The following EFCAB13 variants were observed in gnomAD, a reference collection of about 807,000 sequenced individuals.
The protein encoded by EFCAB13 is EF-hand calcium binding domain 13, also known as EF-hand calcium-binding domain-containing protein 13.
A neutral mutation model predicts 110.2 loss-of-function variants in EFCAB13; 91 were observed. The ratio of observed to expected loss-of-function variants is 0.83; its 90% confidence interval spans 0.70 to 0.98. The LOEUF (loss-of-function observed/expected upper bound fraction) is 0.98, where lower values mean the gene tolerates loss of function less well. Ranked by LOEUF, EFCAB13 falls within the 50% of genes least tolerant of loss-of-function variation. The probability of loss-of-function intolerance (pLI) is 0.00; values close to 1 mark genes in which losing one functional copy is unlikely to be tolerated. For missense variants in EFCAB13, 968 were observed against 1,119.4 expected (o/e 0.86, Z 1.93); for synonymous variants, 323 against 369.9 (o/e 0.87, Z 1.45).
chr17:47,416,821 TA>T (rs879814962), intron 23 of EFCAB13, among the ~76,000 whole-genome samples: 2 of 152,340 alleles, frequency 1.3e-5, no homozygotes, highest in Admixed American at 1.3e-4. Flanking sequence ...ATGTGGGGGT[TA>T]GGGGCACCTT....
intron 24 of EFCAB13, among the ~76,000 whole-genome samples, chr17:47,433,179 T>C (rs1212818587): frequency 1.3e-5 from 2 of 152,190 alleles, no homozygotes; most frequent in African/African-American, 4.8e-5. Flanking sequence ...GTATTTTGTA[T>C]AAACCCTTAG....
chr17:47,330,926 A>G (rs2065316577), intron 4 of EFCAB13, among the ~76,000 whole-genome samples: 2 of 152,102 alleles, frequency 1.3e-5, no homozygotes, highest in African/African-American at 4.8e-5. Flanking sequence ...CATCTGCACC[A>G]ACATTTATTG....
chr17:47,412,978 A>T, intron 22 of EFCAB13, 62 bp downstream of exon 22: 3 of 1,545,238 alleles, frequency 1.9e-6, no homozygotes, highest in Non-Finnish European at 2.6e-6. Context: ...AAATAGTCTT[A>T]GAGTGTACCT....
chr17:47,365,282 A>G (rs1428573777), intron 10 of EFCAB13, among the ~76,000 whole-genome samples: 4 of 152,210 alleles, frequency 2.6e-5, no homozygotes, highest in Admixed American at 6.5e-5. Context: ...CTGATTCCTC[A>G]TGCCACATCT....
chr17:47,380,294 T>C (rs1034447275), intron 14 of EFCAB13, among the ~76,000 whole-genome samples: 5 of 152,066 alleles, frequency 3.3e-5, no homozygotes, highest in African/African-American at 1.2e-4. Flanking sequence ...TGTGTTCTCA[T>C]TGTTCAACTC....
chr17:47,401,837 G>T (rs1293543341), intron 17 of EFCAB13, among the ~76,000 whole-genome samples: 1 of 151,608 alleles, frequency 6.6e-6, no homozygotes, highest in East Asian at 1.9e-4. Flanking sequence ...GTAGAGATGG[G>T]GTTTCACCAT....
At chr17:47,357,319 C>G (rs1016700648) in intron 9 of EFCAB13, among the ~76,000 whole-genome samples, 1 of 152,242 alleles carries the variant, frequency 6.6e-6, no homozygotes, top group African/African-American at 2.4e-5. Flanking sequence ...TGTCTACTAA[C>G]TGACTACTTT....
intron 11 of EFCAB13, among the ~76,000 whole-genome samples, chr17:47,372,555 T>C (rs1567790882): frequency 6.6e-6 from 1 of 152,244 alleles, no homozygotes; most frequent in East Asian, 1.9e-4. Flanking sequence ...TTTACACATT[T>C]ATTTTTTGTG....
intron 3 of EFCAB13, 130 bp from the exon 4 acceptor site, chr17:47,328,137 CTG>C (rs1327937815): frequency 1.9e-6 from 1 of 528,328 alleles, no homozygotes; most frequent in African/African-American, 2.0e-5. Flanking sequence ...GCCCACATAT[CTG>C]TGTTGGTGAA....
At position 47,374,821 on chromosome 17, in the gene EFCAB13, C is replaced by T. The variant is rs1351086139; in HGVS notation, c.1227C>T (p.Ser409=). The T allele has an allele frequency of 6.2e-7, 1 of 1,613,948 alleles. No individual in the cohort carries two copies. The highest frequency in any genetic ancestry group is 1.1e-5 in the South Asian group (1 of 91,070). ...ATGACTCAAAGTCTAAACCACAAAGCTTGAAGAGTAGTACAAGCCTCAGTA... is the reference window on the plus strand; with the variant it reads ...ATGACTCAAAGTCTAAACCACAAAGTTTGAAGAGTAGTACAAGCCTCAGTA... ...EIHDSKSKPQ[S]LKSSTSLSKS... The change falls in exon 12 of 25, where the codon AGC becomes AGT. Residue 409 remains serine (S), a synonymous_variant. Coordinates refer to ENST00000331493, the MANE Select transcript of EFCAB13 (RefSeq NM_152347.5).
intron 9 of EFCAB13, among the ~76,000 whole-genome samples, chr17:47,352,103 C>T (rs1024355199): frequency 3.3e-5 from 5 of 151,358 alleles, no homozygotes; most frequent in Admixed American, 1.3e-4. Context: ...GGGGTTTCAC[C>T]GTGTTAGCCA....
At chr17:47,422,366 G>A (rs551166874) in intron 23 of EFCAB13, among the ~76,000 whole-genome samples, 6 of 152,228 alleles carry the variant, frequency 3.9e-5, no homozygotes, top group East Asian at 3.9e-4. Context: ...CTGTTCAACC[G>A]TGTACTGGAA....
At chr17:47,394,915 A>G (rs944247049) in intron 16 of EFCAB13, among the ~76,000 whole-genome samples, 38 of 152,196 alleles carry the variant, frequency 2.5e-4, no homozygotes, top group Admixed American at 2.4e-3. Context: ...TTTATATCTC[A>G]TTGTTAATAT....
At position 47,374,891 on chromosome 17, in the gene EFCAB13, A is replaced by T. The variant is rs74969489; in HGVS notation, c.1297A>T (p.Lys433Ter). The change falls in exon 12 of 25, where the codon AAG (lysine) becomes TAG (stop). Residue 433 changes from lysine (K) to a stop codon, truncating the protein, a stop_gained. Coordinates refer to ENST00000331493, the MANE Select transcript of EFCAB13 (RefSeq NM_152347.5). LOFTEE classifies it high-confidence loss of function. Reference protein sequence around the residue: ...SDISSIPKLQKPAVRKHSSLQ... With the variant: ...SDISSIPKLQ ...TATTTCTAGTATCCCAAAACTTCAGAAGCCAGCTGTAAGAAAGCATTCCAG... is the reference window on the plus strand; with the variant it reads ...TATTTCTAGTATCCCAAAACTTCAGTAGCCAGCTGTAAGAAAGCATTCCAG... 21,608 of 1,609,768 alleles carry T rather than the reference A, an allele frequency of 0.013. 191 individuals are homozygous for T. Among genetic ancestry groups the T allele is most frequent in the Non-Finnish European group, 0.017 (19,713 of 1,178,938 alleles).
intron 15 of EFCAB13, among the ~76,000 whole-genome samples, chr17:47,392,124 T>C (rs1214501153): frequency 6.6e-6 from 1 of 152,150 alleles, no homozygotes; most frequent in Non-Finnish European, 1.5e-5. Context: ...AGAGATAGTA[T>C]ATGAACATAT....
intron 5 of EFCAB13, among the ~76,000 whole-genome samples, chr17:47,337,573 G>C (rs1262679836): frequency 6.6e-6 from 1 of 152,132 alleles, no homozygotes; most frequent in African/African-American, 2.4e-5. Context: ...AATGTGTGAA[G>C]TAGCTCATAA....
At chr17:47,351,307 G>GCA (rs1555578774) in intron 9 of EFCAB13, among the ~76,000 whole-genome samples, 1 of 108,700 alleles carries the variant, frequency 9.2e-6, no homozygotes, top group African/African-American at 3.2e-5. Context: ...GTGTGTGTGC[G>GCA]CGCGCGCGCG....
At chr17:47,397,413 C>T (rs1390855528) in intron 17 of EFCAB13, among the ~76,000 whole-genome samples, 1 of 152,034 alleles carries the variant, frequency 6.6e-6, no homozygotes, top group Non-Finnish European at 1.5e-5. Context: ...GCCGAGATTG[C>T]AGCCTCTGCC....
At chr17:47,325,193 T>A (rs1039728836) in intron 2 of EFCAB13, among the ~76,000 whole-genome samples, 5 of 150,178 alleles carry the variant, frequency 3.3e-5, no homozygotes, top group African/African-American at 4.9e-5. Context: ...AAAAAAAAAA[T>A]TCTGTAGAGG....
Sources: allele counts gnomAD v4.1 joint callset (sites outside exome capture counted in the v4.1 genomes callset), GRCh38; gene constraint gnomAD v4.1.1; transcripts MANE v1.5; gene names NCBI Gene and HGNC (gene_info 2026-07-23, HGNC 2026-07-21).